ERC2: variants seen among roughly 807,000 people sequenced by gnomAD.
ERC2 encodes the protein ERC protein 2.
ERC2 carries 42 observed loss-of-function variants against 114.8 expected under a neutral mutation model. The observed-to-expected ratio is 0.37, with a 90% CI of 0.29 to 0.47. ERC2 has a LOEUF of 0.47. Ranked by LOEUF, ERC2 falls within the 20% of genes least tolerant of loss-of-function variation. ERC2 has a pLI of 0.99. For synonymous variants in ERC2, 454 were observed against 425.5 expected (o/e 1.07, Z -0.82); for missense variants, 939 against 1,150.7 (o/e 0.82, Z 2.66).
At chr3:55,720,148 CTTCTTCTTCTTCTTCT>C (rs1559547092) in intron 15 of ERC2, among the ~76,000 whole-genome samples, 366 of 2,978 alleles carry the variant, frequency 0.12, 143 homozygotes, top group South Asian at 0.25. Context: ...TCTTCCTCTT[CTTCTTCTTCTTCTTCT>C]TCTTCTTCTT....
chr3:55,975,456 C>G (rs1251917500), intron 12 of ERC2, among the ~76,000 whole-genome samples: 1 of 152,042 alleles, frequency 6.6e-6, no homozygotes, highest in East Asian at 1.9e-4. Flanking sequence ...GTCTTGCTGG[C>G]TGTTGTGGAA....
At chr3:55,993,690 A>C (rs1033623158) in intron 10 of ERC2, among the ~76,000 whole-genome samples, 15 of 151,810 alleles carry the variant, frequency 9.9e-5, no homozygotes, top group African/African-American at 2.7e-4. Flanking sequence ...CAAAAAAAAA[A>C]CAAGAAAAAT....
At chr3:55,735,050 A>T in intron 14 of ERC2, 132 bp from the exon 15 acceptor site, 1 of 989,698 alleles carries the variant, frequency 1.0e-6, no homozygotes, top group Non-Finnish European at 1.4e-6. Flanking sequence ...CTTAAAACAA[A>T]CTAGCTCTTT....
chr3:55,988,223 A>G (rs998050487), intron 11 of ERC2, among the ~76,000 whole-genome samples: 2 of 152,332 alleles, frequency 1.3e-5, no homozygotes, highest in East Asian at 1.9e-4. Context: ...TATACGTGAC[A>G]TCTGACATTG....
At chr3:56,116,613 A>T (rs1380618991) in intron 6 of ERC2, among the ~76,000 whole-genome samples, 1 of 152,120 alleles carries the variant, frequency 6.6e-6, no homozygotes, top group East Asian at 1.9e-4. Flanking sequence ...GACACACAAC[A>T]TCATGAGGGA....
At chr3:55,520,984 A>C (rs549292840) in intron 17 of ERC2, among the ~76,000 whole-genome samples, 151 of 152,304 alleles carry the variant, frequency 9.9e-4, no homozygotes, top group African/African-American at 3.5e-3. Flanking sequence ...TGAAACATGA[A>C]GGAACAATTT....
At chr3:56,109,239 C>G (rs2078832971) in intron 6 of ERC2, among the ~76,000 whole-genome samples, 1 of 152,062 alleles carries the variant, frequency 6.6e-6, no homozygotes, top group Non-Finnish European at 1.5e-5. Context: ...TTCATGAGAT[C>G]TCATCATTTA....
At chr3:55,536,905 C>T (rs1364686559) in intron 17 of ERC2, among the ~76,000 whole-genome samples, 1 of 152,224 alleles carries the variant, frequency 6.6e-6, no homozygotes, top group Non-Finnish European at 1.5e-5. Flanking sequence ...GGCATCTAAA[C>T]CTGTCACCTA....
chr3:55,606,928 T>C (rs1288759520), intron 17 of ERC2: 2 of 152,424 alleles, frequency 1.3e-5, no homozygotes, highest in Non-Finnish European at 2.9e-5. Context: ...CAGCATGAGA[T>C]TTGGCTGTGC....
At chr3:56,215,092 C>G (rs2049361288) in intron 3 of ERC2, among the ~76,000 whole-genome samples, 1 of 152,078 alleles carries the variant, frequency 6.6e-6, no homozygotes, top group Non-Finnish European at 1.5e-5. Context: ...AACTAACGAG[C>G]AAAATAACGA....
chr3:56,257,568 T>C (rs2052605281), intron 3 of ERC2, among the ~76,000 whole-genome samples: 1 of 152,230 alleles, frequency 6.6e-6, no homozygotes, highest in Admixed American at 6.5e-5. Context: ...AAAAGGCCAT[T>C]TTCCATGGCA....
At chr3:55,734,318 TA>T (rs1415872127) in intron 15 of ERC2, among the ~76,000 whole-genome samples, 1 of 152,012 alleles carries the variant, frequency 6.6e-6, no homozygotes, top group Non-Finnish European at 1.5e-5. Flanking sequence ...GTCAAAGAAC[TA>T]AAGTTGAAAG....
At position 55,830,505 on chromosome 3, in the gene ERC2, A is replaced by G. The variant is rs184449127; in HGVS notation, c.2564+57884T>C. On this transcript the variant is annotated intron_variant, in intron 14 of 17. Coordinates refer to ENST00000288221, the MANE Select transcript of ERC2 (RefSeq NM_015576.3). ...GTCTTGGGAGGGGGTTTCAATGTAC[A>G]TATATAATACATTTGACAAATAGGA... Among the ~76,000 whole-genome samples the G allele has an allele frequency of 1.2e-3, 190 of 152,358 alleles. 1 individual carries two copies. The highest frequency in any genetic ancestry group is 1.0e-4 in the Non-Finnish European group (7 of 68,032).
intron 16 of ERC2, among the ~76,000 whole-genome samples, chr3:55,685,693 A>G (rs1434983058): frequency 2.6e-5 from 4 of 152,150 alleles, no homozygotes; most frequent in South Asian, 2.1e-4. Context: ...AGCTTTCATC[A>G]TATGATTCTT....
At chr3:55,931,257 T>C (rs1298797585) in intron 13 of ERC2, among the ~76,000 whole-genome samples, 1 of 152,196 alleles carries the variant, frequency 6.6e-6, no homozygotes, top group Non-Finnish European at 1.5e-5. Flanking sequence ...ACTGGGTGTA[T>C]ACCCAAAGGA....
At position 55,808,731 on chromosome 3, in the gene ERC2, AT is replaced by A. The variant is rs1559689388; in HGVS notation, c.2565-73814del. On this transcript the variant is annotated intron_variant, in intron 14 of 17. Transcript: ENST00000288221. ...TATATATATATATATATATATATAT[AT>A]ATATATATATAACGTATAACTAAAC... 1.6e-3 allele frequency among the ~76,000 whole-genome samples: 186 copies of A among 116,618 alleles called. 3 individuals are homozygous for A. Among genetic ancestry groups the A allele is most frequent in the East Asian group, 9.5e-3 (41 of 4,326 alleles). The allele number at this position is 116,618 out of a possible 152,430, so 76.5% of individuals were successfully genotyped here. A position where few individuals can be genotyped will look rare whatever the true frequency, so the allele number is the denominator to read the frequency against.
At chr3:56,335,075 G>A (rs1210174150) in intron 2 of ERC2, among the ~76,000 whole-genome samples, 1 of 152,166 alleles carries the variant, frequency 6.6e-6, no homozygotes, top group Non-Finnish European at 1.5e-5. Flanking sequence ...AAAGTGCTGG[G>A]ATTATAGGTG....
chr3:56,151,130 C>T (rs1434933210), intron 4 of ERC2, among the ~76,000 whole-genome samples: 1 of 152,128 alleles, frequency 6.6e-6, no homozygotes, highest in African/African-American at 2.4e-5. Flanking sequence ...GTCTATAGTA[C>T]TTTGCTAAGT....
chr3:56,077,071 C>T (rs998160698), intron 7 of ERC2, among the ~76,000 whole-genome samples: 1 of 152,138 alleles, frequency 6.6e-6, no homozygotes, highest in Non-Finnish European at 1.5e-5. Context: ...TATGCTATTC[C>T]AATCCAAGCC....
Sources: gnomAD v4.1 joint callset for allele counts (sites outside exome capture counted in the v4.1 genomes callset) on GRCh38, gnomAD v4.1.1 for gene constraint, MANE v1.5 for transcripts, NCBI Gene and HGNC (gene_info 2026-07-23, HGNC 2026-07-21) for gene names.